NPAS3: variants seen among roughly 807,000 people sequenced by gnomAD.
NPAS3 encodes the protein neuronal PAS domain protein 3.
NPAS3 carries 14 observed loss-of-function variants against 73.1 expected under a neutral mutation model. That is an observed-to-expected ratio of 0.19 (90% CI 0.13 to 0.30). The LOEUF (loss-of-function observed/expected upper bound fraction) is 0.30. Ranked by LOEUF, NPAS3 falls within the 10% of genes least tolerant of loss-of-function variation. The pLI is 1.00. For synonymous variants in NPAS3, 620 were observed against 541.5 expected (o/e 1.14, Z -2.01); for missense variants, 1,096 against 1,250.0 (o/e 0.88, Z 1.86).
intron 3 of NPAS3, among the ~76,000 whole-genome samples, chr14:33,358,583 T>C (rs187347856): frequency 6.6e-6 from 1 of 152,302 alleles, no homozygotes; most frequent in East Asian, 1.9e-4. Flanking sequence ...TCTAAGGCCT[T>C]CCCTGACTCC....
chr14:33,559,155 A>ATTCTTTCTTTCTTTC (rs998973023), intron 4 of NPAS3, among the ~76,000 whole-genome samples: 2 of 151,968 alleles, frequency 1.3e-5, no homozygotes, highest in Non-Finnish European at 2.9e-5. Flanking sequence ...TTCTTTCTTT[A>ATTCTTTCTTTCTTTC]TTCTTTCTTT....
chr14:33,376,555 C>T (rs1172272413), intron 4 of NPAS3, among the ~76,000 whole-genome samples: 2 of 152,054 alleles, frequency 1.3e-5, no homozygotes, highest in Non-Finnish European at 2.9e-5. Flanking sequence ...AAAAAATGAA[C>T]AAAGAAATCT....
intron 2 of NPAS3, among the ~76,000 whole-genome samples, chr14:33,193,940 A>G (rs1306904984): frequency 3.9e-5 from 6 of 152,168 alleles, no homozygotes; most frequent in African/African-American, 1.4e-4. Flanking sequence ...TACAGTTGCA[A>G]GATTACATAT....
intron 3 of NPAS3, among the ~76,000 whole-genome samples, chr14:33,365,201 CAAA>C (rs371230319): frequency 2.2e-5 from 1 of 45,070 alleles, no homozygotes; most frequent in African/African-American, 1.1e-4. Flanking sequence ...CCCATAATCT[CAAA>C]AAAAAAAAAA....
At chr14:33,202,151 C>G (rs1268655886) in intron 2 of NPAS3, among the ~76,000 whole-genome samples, 1 of 152,072 alleles carries the variant, frequency 6.6e-6, no homozygotes, top group Non-Finnish European at 1.5e-5. Context: ...CCTGTAATCC[C>G]AGCACTCTGA....
At chr14:33,533,462 T>A (rs1392009972) in intron 4 of NPAS3, among the ~76,000 whole-genome samples, 1 of 152,200 alleles carries the variant, frequency 6.6e-6, no homozygotes, top group Non-Finnish European at 1.5e-5. Context: ...AAAAGACTGA[T>A]GGCATCAAAT....
intron 5 of NPAS3, among the ~76,000 whole-genome samples, chr14:33,651,319 C>G (rs2058987387): frequency 6.6e-6 from 1 of 152,150 alleles, no homozygotes; most frequent in South Asian, 2.1e-4. Flanking sequence ...TCCTGGTACC[C>G]CGATCATACA....
chr14:33,303,134 A>AT (rs1164091554), intron 3 of NPAS3, among the ~76,000 whole-genome samples: 4 of 151,868 alleles, frequency 2.6e-5, no homozygotes, highest in Non-Finnish European at 4.4e-5. Context: ...GTCGCCAGAT[A>AT]TTTTTTTCCT....
intron 6 of NPAS3, among the ~76,000 whole-genome samples, chr14:33,731,368 A>G (rs1185273312): frequency 6.7e-6 from 1 of 149,838 alleles, no homozygotes; most frequent in Non-Finnish European, 1.5e-5. Flanking sequence ...GCATTAAGTT[A>G]TAATCACGCC....
intron 6 of NPAS3, among the ~76,000 whole-genome samples, chr14:33,712,323 T>G (rs112953182): frequency 0.022 from 3,305 of 152,252 alleles, 106 homozygotes; most frequent in African/African-American, 0.075. Context: ...ATGTAACTGA[T>G]CTGTATTCTA....
intron 1 of NPAS3, among the ~76,000 whole-genome samples, chr14:33,052,233 T>G (rs1209606523): frequency 6.6e-6 from 1 of 152,180 alleles, no homozygotes. Flanking sequence ...AAGGATGGCT[T>G]TGTAAATTTT....
chr14:33,355,048 G>A (rs2045271986), intron 3 of NPAS3, among the ~76,000 whole-genome samples: 1 of 152,144 alleles, frequency 6.6e-6, no homozygotes, highest in Non-Finnish European at 1.5e-5. Context: ...CCTTTGCAGT[G>A]CTGATGGGGC....
At chr14:33,532,301 C>A (rs903539386) in intron 4 of NPAS3, among the ~76,000 whole-genome samples, 1 of 151,992 alleles carries the variant, frequency 6.6e-6, no homozygotes, top group African/African-American at 2.4e-5. Flanking sequence ...TCAGTTTTTC[C>A]TTTCTTTGGT....
intron 10 of NPAS3, among the ~76,000 whole-genome samples, chr14:33,796,255 C>G (rs1399834309): frequency 2.6e-5 from 4 of 152,210 alleles, no homozygotes; most frequent in African/African-American, 9.6e-5. Context: ...CTTCCCTGTT[C>G]TGAAACTACT....
chr14:33,775,812 T>G (rs566945458), intron 8 of NPAS3, among the ~76,000 whole-genome samples: 2 of 152,206 alleles, frequency 1.3e-5, no homozygotes, highest in Non-Finnish European at 2.9e-5. Flanking sequence ...GCCAGAATGA[T>G]TCGCTGGAGT....
intron 5 of NPAS3, among the ~76,000 whole-genome samples, chr14:33,626,274 G>A (rs555698115): frequency 6.6e-6 from 1 of 152,120 alleles, no homozygotes; most frequent in Non-Finnish European, 1.5e-5. Flanking sequence ...TACCTTTAGA[G>A]GGGGACTGCA....
intron 6 of NPAS3, among the ~76,000 whole-genome samples, chr14:33,728,618 C>T (rs568157036): frequency 1.3e-5 from 2 of 152,282 alleles, no homozygotes; most frequent in Admixed American, 6.5e-5. Flanking sequence ...GGCACTGCCT[C>T]GCCACCAGTA....
intron 7 of NPAS3, among the ~76,000 whole-genome samples, chr14:33,773,396 T>C (rs2062715011): frequency 6.6e-6 from 1 of 152,182 alleles, no homozygotes; most frequent in South Asian, 2.1e-4. Context: ...CTAGAGTTGA[T>C]ATGCACATGT....
chr14:33,671,358 A>C (rs972666815), intron 5 of NPAS3, among the ~76,000 whole-genome samples: 1 of 152,216 alleles, frequency 6.6e-6, no homozygotes, highest in Non-Finnish European at 1.5e-5. Context: ...GTCAGCTCAA[A>C]CCACTGTACA....
Sources: allele counts gnomAD v4.1 joint callset (sites outside exome capture counted in the v4.1 genomes callset), GRCh38; gene constraint gnomAD v4.1.1; transcripts MANE v1.5; gene names NCBI Gene and HGNC (gene_info 2026-07-23, HGNC 2026-07-21).